GLG1: variants seen among roughly 807,000 people sequenced by gnomAD.
The protein encoded by GLG1 is golgi glycoprotein 1.
In GLG1, 38 loss-of-function variants were observed where a neutral mutation model predicts 160.5. The ratio of observed to expected loss-of-function variants is 0.24; its 90% CI spans 0.18 to 0.31. The LOEUF is 0.31. Ranked by LOEUF, GLG1 falls within the 10% of genes least tolerant of loss-of-function variation. The pLI is 1.00. For synonymous variants in GLG1, 644 were observed against 543.4 expected (o/e 1.19, Z -2.57); for missense variants, 1,373 against 1,505.2 (o/e 0.91, Z 1.45).
intron 1 of GLG1, among the ~76,000 whole-genome samples, chr16:74,576,760 C>A (rs1009885422): frequency 1.3e-5 from 2 of 151,988 alleles, no homozygotes; most frequent in Non-Finnish European, 2.9e-5. Context: ...AATAATGAAG[C>A]CTGCTGAAGA....
intron 14 of GLG1, 58 bp downstream of exon 14, chr16:74,472,291 G>T: frequency 9.0e-7 from 1 of 1,112,944 alleles, no homozygotes; most frequent in Non-Finnish European, 1.4e-6. Flanking sequence ...ATACTCAGGG[G>T]AGAGTCCCTG....
At position 74,459,712 on chromosome 16, in the gene GLG1, C is replaced by A. The variant is rs1184749770; in HGVS notation, c.3114G>T (p.Leu1038=). 4.4e-6 allele frequency: 7 copies of A among 1,594,678 alleles called. No homozygotes were observed. The highest frequency in any genetic ancestry group is 6.0e-6 in the Non-Finnish European group (7 of 1,163,896). ...TACACAATTCTGTTTTGATCTTGAGCAGGTTGACCTTGAGGCACTCCTCCA... is the reference window on the plus strand; with the variant it reads ...TACACAATTCTGTTTTGATCTTGAGAAGGTTGACCTTGAGGCACTCCTCCA... ...GQVEECLKVN[L]LKIKTELCKK... The change falls in exon 23 of 26, where the codon CTG becomes CTT. Residue 1038 remains leucine (L), a synonymous_variant. Transcript: ENST00000422840.
intron 1 of GLG1, among the ~76,000 whole-genome samples, chr16:74,533,440 C>T (rs770681492): frequency 6.6e-6 from 1 of 152,160 alleles, no homozygotes; most frequent in Non-Finnish European, 1.5e-5. Flanking sequence ...TTTCCTTGTT[C>T]GTGCCTTCAA....
chr16:74,494,229 A>T (rs79909082), intron 6 of GLG1, among the ~76,000 whole-genome samples: 2,805 of 151,968 alleles, frequency 0.018, 35 homozygotes, highest in Non-Finnish European at 0.027. Flanking sequence ...CCACAGTGAG[A>T]ACCCTACTTG....
intron 1 of GLG1, among the ~76,000 whole-genome samples, chr16:74,566,748 C>T (rs1256386998): frequency 6.6e-6 from 1 of 152,086 alleles, no homozygotes; most frequent in Non-Finnish European, 1.5e-5. Flanking sequence ...AGACCATTCC[C>T]AACCCTAGAA....
intron 16 of GLG1, 143 bp from the exon 17 acceptor site, chr16:74,469,206 T>C: frequency 1.6e-6 from 1 of 629,506 alleles, no homozygotes; most frequent in Non-Finnish European, 2.9e-6. Context: ...CTGTATTTTT[T>C]TTCAGGGTGC....
intron 1 of GLG1, among the ~76,000 whole-genome samples, chr16:74,550,600 G>C (rs1338354358): frequency 6.6e-6 from 1 of 152,088 alleles, no homozygotes; most frequent in Non-Finnish European, 1.5e-5. Flanking sequence ...AAATTAAAGA[G>C]TATTTTTTAA....
At chr16:74,510,507 G>A (rs920980990) in intron 2 of GLG1, among the ~76,000 whole-genome samples, 1 of 152,158 alleles carries the variant, frequency 6.6e-6, no homozygotes, top group African/African-American at 2.4e-5. Flanking sequence ...TGTTCAGTTG[G>A]TGAGATAGAG....
chr16:74,542,840 T>C (rs988921138), intron 1 of GLG1, among the ~76,000 whole-genome samples: 27 of 148,292 alleles, frequency 1.8e-4, no homozygotes, highest in Non-Finnish European at 4.5e-5. Flanking sequence ...TTTCCAGACA[T>C]CTGACAATAC....
At chr16:74,598,243 C>A (rs907786183) in intron 1 of GLG1, among the ~76,000 whole-genome samples, 1 of 152,056 alleles carries the variant, frequency 6.6e-6, no homozygotes, top group Non-Finnish European at 1.5e-5. Flanking sequence ...AAAAATTGGT[C>A]GGGCGCGGTG....
intron 1 of GLG1, among the ~76,000 whole-genome samples, chr16:74,550,858 T>G (rs1221787277): frequency 6.6e-6 from 1 of 152,214 alleles, no homozygotes; most frequent in Non-Finnish European, 1.5e-5. Flanking sequence ...GGGCAGTAGA[T>G]GTGAGAAGCT....
At position 74,493,137 on chromosome 16, in the gene GLG1, G is replaced by C. The variant is rs2016063749; in HGVS notation, c.1054C>G (p.Arg352Gly). 2 of 1,607,444 alleles carry C rather than the reference G, an allele frequency of 1.2e-6. No individual in the cohort carries two copies. Among genetic ancestry groups the C allele is most frequent in the Non-Finnish European group, 1.7e-6 (2 of 1,176,034 alleles). ...KFEESMSEKC[R>G]EALTTRQKLI... ...TTTTGGCGGGTTGTAAGTGCTTCTC[G>C]ACACTGAGGAAAGAGTACAGCAACA... The change falls in exon 7 of 26, where the codon CGA (arginine) becomes GGA (glycine). Residue 352 changes from arginine to glycine, a missense_variant. Arg to Gly is a moderately radical substitution (Grantham distance 125, BLOSUM62 -2). Around this residue, in one of 4 missense-constraint regions of GLG1, gnomAD observed 174 missense variants for 229.9 expected, o/e 0.76. Coordinates refer to ENST00000422840, the MANE Select transcript of GLG1 (RefSeq NM_001145667.2).
intron 18 of GLG1, among the ~76,000 whole-genome samples, chr16:74,467,023 A>T (rs747293854): frequency 6.6e-6 from 1 of 152,234 alleles, no homozygotes; most frequent in Non-Finnish European, 1.5e-5. Flanking sequence ...AGCCAACCGG[A>T]AACACACACA....
At position 74,463,443 on chromosome 16, in the gene GLG1, G is replaced by C. The variant is rs747918199; in HGVS notation, c.2704C>G (p.Gln902Glu). The C allele has an allele frequency of 1.2e-6, 2 of 1,613,454 alleles. No homozygotes were observed. The highest frequency in any genetic ancestry group is 1.7e-6 in the Non-Finnish European group (2 of 1,179,398). ...CTGTTTTTATTTTGCTTCAAGCACT[G>C]CAACATGGTTTTAGAATCTGCTTCC... ...CPEADSKTML[Q>E]CLKQNKNSEL... Residue 902 changes from glutamine to glutamate, a missense_variant, in exon 20 of 26, where the codon CAG (glutamine) becomes GAG (glutamate). Gln to Glu is a conservative substitution (Grantham distance 29, BLOSUM62 2). Coordinates refer to ENST00000422840, the MANE Select transcript of GLG1 (RefSeq NM_001145667.2).
At chr16:74,555,666 G>C (rs1248539507) in intron 1 of GLG1, among the ~76,000 whole-genome samples, 1 of 151,980 alleles carries the variant, frequency 6.6e-6, no homozygotes, top group Non-Finnish European at 1.5e-5. Context: ...TCCAGCCTGG[G>C]CAACAGAGAG....
Position 74,477,551 on chromosome 16 carries a change from A to G in GLG1, c.1828-18T>C. 6.2e-7 allele frequency: 1 copy of G among 1,602,990 alleles called. No individual in the cohort carries two copies. The highest frequency in any genetic ancestry group is 8.5e-7 in the Non-Finnish European group (1 of 1,173,036). On this transcript the variant is annotated intron_variant, in intron 11 of 25. Coordinates refer to ENST00000422840, the MANE Select transcript of GLG1 (RefSeq NM_001145667.2). ...CGTGAGAGCTGCATGAGAAAAAATG[A>G]GCTAAATACTTGAAAGGTAACAAAA... is the stretch of plus-strand genomic sequence containing the variant.
intron 17 of GLG1, 42 bp from the exon 18 acceptor site, chr16:74,467,890 G>T: frequency 1.5e-6 from 2 of 1,299,546 alleles, no homozygotes; most frequent in Non-Finnish European, 2.2e-6. Context: ...CTTGGTTTAG[G>T]CTGGAGATGT....
intron 9 of GLG1, among the ~76,000 whole-genome samples, 186 bp from the exon 10 acceptor site, chr16:74,483,310 G>A (rs2015673328): frequency 1.3e-5 from 2 of 152,174 alleles, no homozygotes; most frequent in Non-Finnish European, 2.9e-5. Flanking sequence ...CAACTTCAGA[G>A]CCACTCAGCA....
intron 17 of GLG1, chr16:74,468,744 T>A (rs62052081): frequency 0.034 from 19,269 of 568,588 alleles, 411 homozygotes; most frequent in Non-Finnish European, 0.046. Context: ...TCCAGTTACA[T>A]GTGGGAAGAA....
Sources: allele counts gnomAD v4.1 joint callset (sites outside exome capture counted in the v4.1 genomes callset), GRCh38; gene constraint gnomAD v4.1.1; regional missense constraint gnomAD v4.1.1; transcripts MANE v1.5; gene names NCBI Gene and HGNC (gene_info 2026-07-23, HGNC 2026-07-21).